The following ENTREP1 variants were observed in gnomAD, a reference collection of about 807,000 sequenced individuals.
The protein encoded by ENTREP1 is Friedreich ataxia region gene X123.
the ENTREP1 span, among the ~76,000 whole-genome samples, chr9:69,365,939 T>C: frequency 9.2e-5 from 14 of 152,308 alleles, no homozygotes; most frequent in African/African-American, 2.9e-4. Context: ...TTGATGGGCA[T>C]TTAGGTTGCT....
the ENTREP1 span, among the ~76,000 whole-genome samples, chr9:69,367,731 A>G: frequency 1.0e-5 from 1 of 99,610 alleles, no homozygotes; most frequent in Non-Finnish European, 2.0e-5. Context: ...ATATATAAAA[A>G]TATATATATA....
the ENTREP1 span, chr9:69,387,807 A>G: frequency 2.0e-6 from 2 of 1,017,224 alleles, no homozygotes; most frequent in South Asian, 1.7e-5. Context: ...GGTCAGCCAC[A>G]TTTTTCCTGC....
the ENTREP1 span, among the ~76,000 whole-genome samples, chr9:69,370,425 T>C: frequency 3.3e-5 from 5 of 152,322 alleles, no homozygotes; most frequent in Admixed American, 1.3e-4. Context: ...TTCTATATGC[T>C]GCCCAAGTCA....
At chr9:69,384,500 G>A in the ENTREP1 span, among the ~76,000 whole-genome samples, 1 of 152,024 alleles carries the variant, frequency 6.6e-6, no homozygotes, top group Non-Finnish European at 1.5e-5. Context: ...TTTTGTCAGG[G>A]GAAAAAAAGT....
the ENTREP1 span, chr9:69,329,619 C>T: frequency 1.0e-6 from 1 of 985,092 alleles, no homozygotes; most frequent in Non-Finnish European, 1.2e-6. Context: ...ACCGGTAAAT[C>T]ACTCAATATA....
the ENTREP1 span, among the ~76,000 whole-genome samples, chr9:69,373,263 C>T: frequency 2.0e-5 from 3 of 152,148 alleles, no homozygotes; most frequent in African/African-American, 7.2e-5. Context: ...ACATAATCAA[C>T]AGGATCATGT....
the ENTREP1 span, among the ~76,000 whole-genome samples, chr9:69,350,476 C>G: frequency 1.3e-5 from 2 of 152,172 alleles, no homozygotes; most frequent in Non-Finnish European, 2.9e-5. Context: ...TAAGACCACT[C>G]ACTTCCTGTT....
chr9:69,373,959 G>A, the ENTREP1 span, among the ~76,000 whole-genome samples: 1 of 152,004 alleles, frequency 6.6e-6, no homozygotes, highest in African/African-American at 2.4e-5. Context: ...ATTGTTTGTT[G>A]TACTCCAAAC....
chr9:69,384,964 C>G, the ENTREP1 span, among the ~76,000 whole-genome samples: 6 of 151,892 alleles, frequency 4.0e-5, no homozygotes, highest in African/African-American at 1.2e-4. Flanking sequence ...TCCTTTTGCT[C>G]AGGGTGGAGT....
chr9:69,344,325 T>C, the ENTREP1 span, among the ~76,000 whole-genome samples: 3 of 152,314 alleles, frequency 2.0e-5, no homozygotes, highest in African/African-American at 7.2e-5. Flanking sequence ...ATGTTTGTAG[T>C]TACATGGAAA....
chr9:69,371,487 T>C, the ENTREP1 span: 1 of 1,571,758 alleles, frequency 6.4e-7, no homozygotes, highest in Non-Finnish European at 8.8e-7. Flanking sequence ...GTCCATTCTC[T>C]TGCCATTTCA....
chr9:69,371,412 G>A, the ENTREP1 span: 1 of 932,300 alleles, frequency 1.1e-6, no homozygotes, highest in African/African-American at 1.6e-5. Context: ...TCTCTTGGAA[G>A]GGAATATGAG....
At chr9:69,332,897 A>G in the ENTREP1 span, among the ~76,000 whole-genome samples, 3 of 152,206 alleles carry the variant, frequency 2.0e-5, no homozygotes, top group Non-Finnish European at 4.4e-5. Flanking sequence ...AAAACTAGAC[A>G]TAGAATGAAT....
At chr9:69,341,681 T>C in the ENTREP1 span, among the ~76,000 whole-genome samples, 1 of 152,168 alleles carries the variant, frequency 6.6e-6, no homozygotes, top group South Asian at 2.1e-4. Context: ...GTCTTTTTTT[T>C]CCTGAGGATA....
At chr9:69,367,431 T>G in the ENTREP1 span, among the ~76,000 whole-genome samples, 2 of 151,396 alleles carry the variant, frequency 1.3e-5, no homozygotes, top group African/African-American at 4.8e-5. Flanking sequence ...AGTGAATCTT[T>G]AGATTGCTCT....
the ENTREP1 span, among the ~76,000 whole-genome samples, chr9:69,327,416 A>G: frequency 3.3e-5 from 5 of 152,244 alleles, no homozygotes; most frequent in Non-Finnish European, 7.3e-5. Flanking sequence ...ACGGGCCAGT[A>G]ATGATCTTGC....
chr9:69,386,288 C>G, the ENTREP1 span: 2 of 169,832 alleles, frequency 1.2e-5, no homozygotes, highest in Non-Finnish European at 1.2e-5. Context: ...TATGCATTGT[C>G]TTAAAAAAAG....
the ENTREP1 span, among the ~76,000 whole-genome samples, chr9:69,353,648 A>G: frequency 6.6e-6 from 1 of 152,184 alleles, no homozygotes; most frequent in Non-Finnish European, 1.5e-5. Flanking sequence ...TCTTCAAATA[A>G]CTTTTCTTAA....
chr9:69,356,052 G>A, the ENTREP1 span, among the ~76,000 whole-genome samples: 96,380 of 152,044 alleles, frequency 0.63, 30,893 homozygotes, highest in South Asian at 0.77. Context: ...TGTTCACAGT[G>A]TTGTGCTGCA....
Sources: allele counts gnomAD v4.1 joint callset (sites outside exome capture counted in the v4.1 genomes callset), GRCh38; gene constraint gnomAD v4.1.1; transcripts MANE v1.5; gene names NCBI Gene and HGNC (gene_info 2026-07-23, HGNC 2026-07-21).